PPP1R1C: variants seen among roughly 807,000 people sequenced by gnomAD.
PPP1R1C encodes the protein protein phosphatase 1 regulatory inhibitor subunit 1C, also known as protein phosphatase 1 regulatory subunit 1C.
PPP1R1C carries 15 observed loss-of-function variants against 17.4 expected under a neutral mutation model. The observed-to-expected ratio is 0.86, with a 90% CI of 0.58 to 1.33. The LOEUF is 1.33. Ranked by LOEUF, PPP1R1C falls within the 40% of genes most tolerant of loss-of-function variation. The probability of loss-of-function intolerance (pLI) is 0.00; values close to 1 mark genes in which losing one functional copy is unlikely to be tolerated. For synonymous variants in PPP1R1C, 35 were observed against 43.1 expected (o/e 0.81, Z 0.73); for missense variants, 143 against 130.0 (o/e 1.10, Z -0.48).
intron 2 of PPP1R1C, among the ~76,000 whole-genome samples, chr2:182,014,680 C>T (rs1213544577): frequency 1.3e-5 from 2 of 151,830 alleles, no homozygotes; most frequent in African/African-American, 4.8e-5. Flanking sequence ...TGTCTGGGAG[C>T]CAGAGCCTAG....
chr2:182,061,620 A>G (rs1687853867), intron 3 of PPP1R1C, 141 bp downstream of exon 3: 3 of 475,746 alleles, frequency 6.3e-6, no homozygotes, highest in Non-Finnish European at 1.1e-5. Flanking sequence ...AAACAGTAAT[A>G]TAGTGTCATT....
chr2:182,093,398 G>A (rs568808862), intron 4 of PPP1R1C, among the ~76,000 whole-genome samples: 2 of 152,318 alleles, frequency 1.3e-5, no homozygotes, highest in African/African-American at 4.8e-5. Context: ...AAAGGCTGCT[G>A]AAAAGACTTC....
chr2:182,023,421 A>T (rs935033058), intron 2 of PPP1R1C, among the ~76,000 whole-genome samples: 7 of 152,106 alleles, frequency 4.6e-5, no homozygotes, highest in Non-Finnish European at 8.8e-5. Flanking sequence ...AAACAACTTG[A>T]AAAAAAGAGT....
At chr2:182,036,807 T>C (rs1261163649) in intron 2 of PPP1R1C, among the ~76,000 whole-genome samples, 1 of 152,206 alleles carries the variant, frequency 6.6e-6, no homozygotes, top group African/African-American at 2.4e-5. Flanking sequence ...ATACATGTAC[T>C]ATTAAATGAC....
At chr2:181,992,729 C>A (rs1164679656) in intron 2 of PPP1R1C, among the ~76,000 whole-genome samples, 2 of 134,028 alleles carry the variant, frequency 1.5e-5, no homozygotes, top group East Asian at 4.0e-4. Context: ...CCTATCACAG[C>A]CAAATTTTGG....
chr2:182,033,879 C>A (rs554323838), intron 2 of PPP1R1C, among the ~76,000 whole-genome samples: 1 of 152,290 alleles, frequency 6.6e-6, no homozygotes, highest in East Asian at 1.9e-4. Context: ...CTTCTAGGTA[C>A]CAGGACGCAG....
chr2:181,986,609 G>C (rs1685305002), intron 1 of PPP1R1C, among the ~76,000 whole-genome samples: 1 of 152,094 alleles, frequency 6.6e-6, no homozygotes, highest in African/African-American at 2.4e-5. Context: ...AATAGTTTGA[G>C]ACTATAGGCC....
rs1006069364 is a variant in PPP1R1C at position 182,043,974 on chromosome 2, A to G, written c.143-17468A>G. 3.3e-5 allele frequency among the ~76,000 whole-genome samples: 5 copies of G among 152,126 alleles called. No homozygotes were observed. In the East Asian group the frequency reaches 7.7e-4, roughly 23 times the overall value. On this transcript the variant is annotated intron_variant, in intron 2 of 4. Coordinates refer to ENST00000682840, the MANE Select transcript of PPP1R1C (RefSeq NM_001080545.3). ...ATATGAACAATTCCATGAACTCAAA[A>G]TCTAAGCCAGAAACTGCATGTAATG...
At chr2:182,022,330 C>G (rs1686453197) in intron 2 of PPP1R1C, among the ~76,000 whole-genome samples, 1 of 152,134 alleles carries the variant, frequency 6.6e-6, no homozygotes, top group African/African-American at 2.4e-5. Flanking sequence ...AAGCAAAATT[C>G]ATAAATCTGG....
At chr2:182,007,848 G>T (rs1167652409) in intron 2 of PPP1R1C, among the ~76,000 whole-genome samples, 2 of 152,148 alleles carry the variant, frequency 1.3e-5, no homozygotes, top group Non-Finnish European at 2.9e-5. Context: ...GGATCACGAG[G>T]TCAGGAGATC....
intron 2 of PPP1R1C, among the ~76,000 whole-genome samples, chr2:181,993,374 G>T (rs1419675255): frequency 1.3e-5 from 2 of 152,078 alleles, no homozygotes; most frequent in Non-Finnish European, 2.9e-5. Flanking sequence ...TCTTAAAGAT[G>T]AGTAAGACAT....
intron 1 of PPP1R1C, among the ~76,000 whole-genome samples, chr2:181,964,676 A>T (rs1684875418): frequency 6.6e-6 from 1 of 151,772 alleles, no homozygotes; most frequent in Non-Finnish European, 1.5e-5. Flanking sequence ...CTTGGGTGAG[A>T]TGACATCTCA....
intron 4 of PPP1R1C, among the ~76,000 whole-genome samples, chr2:182,108,996 C>A (rs190341249): frequency 2.0e-4 from 31 of 152,290 alleles, no homozygotes; most frequent in African/African-American, 6.7e-4. Context: ...TCTTCGCTAG[C>A]ATTTCTCAGT....
chr2:182,064,094 A>C (rs1443077766), intron 4 of PPP1R1C: 1 of 324,142 alleles, frequency 3.1e-6, no homozygotes, highest in Non-Finnish European at 5.7e-6. Context: ...AGATTTTCCC[A>C]GAAGCCCTAA....
intron 2 of PPP1R1C, among the ~76,000 whole-genome samples, chr2:182,039,305 A>G (rs936045922): frequency 1.3e-5 from 2 of 152,200 alleles, no homozygotes; most frequent in African/African-American, 4.8e-5. Flanking sequence ...TGCAAATGGT[A>G]CTGCTCAAAC....
intron 2 of PPP1R1C, among the ~76,000 whole-genome samples, chr2:182,014,249 A>T (rs1188400896): frequency 6.6e-6 from 1 of 152,190 alleles, no homozygotes; most frequent in Non-Finnish European, 1.5e-5. Context: ...CTGTATCTGC[A>T]TTAGGAGGCA....
chr2:182,000,369 A>C (rs1574365643), intron 2 of PPP1R1C, among the ~76,000 whole-genome samples: 1 of 152,130 alleles, frequency 6.6e-6, no homozygotes, highest in African/African-American at 2.4e-5. Context: ...GATTCTGTCC[A>C]AGTGTAATCA....
intron 2 of PPP1R1C, among the ~76,000 whole-genome samples, chr2:182,014,608 G>A (rs1363829717): frequency 6.6e-6 from 1 of 151,936 alleles, no homozygotes; most frequent in African/African-American, 2.4e-5. Flanking sequence ...ATCCAGCCAG[G>A]CTGATGTCCT....
chr2:182,130,478 G>A (rs566951663), downstream of PPP1R1C: 5 of 152,278 alleles, frequency 3.3e-5, no homozygotes, highest in African/African-American at 9.6e-5. Context: ...CTCAAAAGTA[G>A]CAAAGGTACA....
Sources: gnomAD v4.1 joint callset for allele counts (sites outside exome capture counted in the v4.1 genomes callset) on GRCh38, gnomAD v4.1.1 for gene constraint, MANE v1.5 for transcripts, NCBI Gene and HGNC (gene_info 2026-07-23, HGNC 2026-07-21) for gene names.